Variants in PCDHGA10 observed in about 807,000 individuals in gnomAD.
The protein encoded by PCDHGA10 is protocadherin gamma subfamily A, 10.
Under a neutral mutation model 59.5 loss-of-function variants are expected in PCDHGA10, and 42 were observed. The ratio of observed to expected loss-of-function variants is 0.71; its 90% confidence interval spans 0.55 to 0.91. The LOEUF (loss-of-function observed/expected upper bound fraction) is 0.91, where lower values mean the gene tolerates loss of function less well. Among genes scored for constraint, PCDHGA10 ranks in the 40% least tolerant of loss-of-function variants. PCDHGA10 has a pLI of 0.00. For synonymous variants in PCDHGA10, 511 were observed against 517.2 expected, an observed-to-expected ratio of 0.99 and a Z score of 0.16; for missense variants, 1,111 against 1,198.2, an observed-to-expected ratio of 0.93 and a Z score of 1.07.
At chr5:141,426,639 AATGTGATGATAGAAGATATAAATG>A (rs1418104928) in intron 1 of PCDHGA10, 1 of 407,642 alleles carries the variant, frequency 2.5e-6, no homozygotes, top group Non-Finnish European at 5.0e-6. Context: ...TTTTCACATA[AATGTGATGATAGAAGATATAAATG>A]ATAACCCACC....
intron 1 of PCDHGA10, chr5:141,478,355 G>A: frequency 6.2e-7 from 1 of 1,613,742 alleles, no homozygotes; most frequent in Non-Finnish European, 8.5e-7. Context: ...CGCGGACGCC[G>A]TGCGGGGAGG....
At chr5:141,438,418 G>C (rs2097959406) in intron 1 of PCDHGA10, among the ~76,000 whole-genome samples, 1 of 151,534 alleles carries the variant, frequency 6.6e-6, no homozygotes, top group Admixed American at 6.6e-5. Flanking sequence ...ATTTCACACA[G>C]TAGTTTGTAC....
At chr5:141,501,312 C>T (rs2099807672) in intron 2 of PCDHGA10, among the ~76,000 whole-genome samples, 1 of 151,778 alleles carries the variant, frequency 6.6e-6, no homozygotes, top group South Asian at 2.1e-4. Context: ...CACACACACA[C>T]ACACACACAC....
chr5:141,417,001 ATAAT>A (rs2096073629), intron 1 of PCDHGA10: 2 of 150,812 alleles, frequency 1.3e-5, no homozygotes, highest in Non-Finnish European at 1.5e-5. Flanking sequence ...TTCATCTCAA[ATAAT>A]TCTATTATTT....
chr5:141,458,540 TTTTG>T (rs754668779), intron 1 of PCDHGA10, among the ~76,000 whole-genome samples: 43 of 150,468 alleles, frequency 2.9e-4, no homozygotes, highest in East Asian at 1.7e-3. Context: ...ATCAACTTTA[TTTTG>T]TTTGTTTGTT....
intron 1 of PCDHGA10, chr5:141,426,833 G>T: frequency 2.2e-6 from 1 of 456,680 alleles, no homozygotes; most frequent in Non-Finnish European, 4.4e-6. Flanking sequence ...TGATGGACAA[G>T]ACTAAAGGCA....
intron 1 of PCDHGA10, among the ~76,000 whole-genome samples, chr5:141,457,274 C>T (rs1307741345): frequency 1.3e-5 from 2 of 152,200 alleles, no homozygotes; most frequent in Non-Finnish European, 2.9e-5. Context: ...CCTCTGTGGG[C>T]CTACGAAGTT....
chr5:141,423,503 C>T (rs1225012888), intron 1 of PCDHGA10: 2 of 1,613,984 alleles, frequency 1.2e-6, no homozygotes, highest in South Asian at 2.2e-5. Context: ...CACGAGGTCT[C>T]TCTCATTGCG....
At chr5:141,505,121 C>A (rs1194549194) in intron 2 of PCDHGA10, among the ~76,000 whole-genome samples, 1 of 152,168 alleles carries the variant, frequency 6.6e-6, no homozygotes, top group Non-Finnish European at 1.5e-5. Context: ...AAGATCGCGC[C>A]ACTGCACTCC....
chr5:141,491,908 G>A lies in PCDHGA10; in HGVS notation c.2437-2899G>A. ...GGGGCTCCGAGCACCGGGGGTGGTG[G>A]CGACTGTGGGCGAGGGGAGGTGGGA... On this transcript the variant is annotated intron_variant, in intron 1 of 3. Transcript: ENST00000398610. The surrounding 1 kb of genome is among the most constrained non-coding windows in gnomAD (Gnocchi z 6.9). The A allele has an allele frequency of 7.1e-7, 1 of 1,408,288 alleles. No individual in the cohort carries two copies. Among genetic ancestry groups the A allele is most frequent in the East Asian group, 2.5e-5 (1 of 39,276 alleles). The allele number at this position is 1,408,288 out of a possible 1,614,324, so 87.2% of individuals were successfully genotyped here. A position where few individuals can be genotyped will look rare whatever the true frequency, so the allele number is the denominator to read the frequency against.
At chr5:141,448,394 T>C (rs1360417681) in intron 1 of PCDHGA10, among the ~76,000 whole-genome samples, 1 of 152,206 alleles carries the variant, frequency 6.6e-6, no homozygotes. Context: ...TACATTTACA[T>C]GGTTTTAAAA....
In PCDHGA10 at chr5:141,413,895, T is replaced by C. The variant is rs749075692; in HGVS notation, c.720T>C (p.Asn240=). The change falls in exon 1 of 4, where the codon AAT becomes AAC. Residue 240 remains asparagine, a synonymous_variant. Transcript: ENST00000398610. ...TCAGTGTGACTGTCTTCGATGCAAATGACAACGCGCCGGTCTTCACCTTGC... is the reference window on the plus strand; with the variant it reads ...TCAGTGTGACTGTCTTCGATGCAAACGACAACGCGCCGGTCTTCACCTTGC... ...VLVSVTVFDA[N]DNAPVFTLPE... is the part of the protein sequence containing the mutation. 7 of 1,613,190 alleles carry C rather than the reference T, an allele frequency of 4.3e-6. No individual in the cohort carries two copies. The South Asian group carries it at 6.6e-5, about 15-fold the overall frequency.
intron 1 of PCDHGA10, chr5:141,433,074 A>C: frequency 6.2e-7 from 1 of 1,614,218 alleles, no homozygotes; most frequent in East Asian, 2.2e-5. Flanking sequence ...ATCTTCCCCC[A>C]GCCCAACTAT....
intron 1 of PCDHGA10, among the ~76,000 whole-genome samples, chr5:141,462,086 A>C (rs993185274): frequency 6.6e-6 from 1 of 151,410 alleles, no homozygotes; most frequent in Non-Finnish European, 1.5e-5. Flanking sequence ...GCCTCCCAAA[A>C]TGCTGGGATT....
intron 3 of PCDHGA10, among the ~76,000 whole-genome samples, chr5:141,508,989 G>A (rs900798347): frequency 1.3e-5 from 2 of 152,110 alleles, no homozygotes; most frequent in Non-Finnish European, 2.9e-5. Flanking sequence ...GGGGCCAGCT[G>A]GGGTAGGAGA....
intron 1 of PCDHGA10, 148 bp downstream of exon 1, chr5:141,415,759 T>TTTG: frequency 3.7e-6 from 5 of 1,352,140 alleles, no homozygotes; most frequent in Non-Finnish European, 4.8e-6. Flanking sequence ...TTTTTTTTTT[T>TTTG]TTTTTTTTTT....
chr5:141,415,740 GTTTTTTTTTTTTTTTTTT>G (rs57426385), intron 1 of PCDHGA10, 129 bp downstream of exon 1: 9 of 625,028 alleles, frequency 1.4e-5, no homozygotes, highest in African/African-American at 5.0e-5. Flanking sequence ...GTTTATTAAG[GTTTTTTTTTTTTTTTTTT>G]TTTTTTTTTT....
At chr5:141,433,818 C>A (rs1286718725) in intron 1 of PCDHGA10, among the ~76,000 whole-genome samples, 7 of 133,614 alleles carry the variant, frequency 5.2e-5, no homozygotes, top group African/African-American at 5.8e-5. Flanking sequence ...GCCTGGGCAA[C>A]AAGAGTGAAA....
chr5:141,489,692 G>A lies in PCDHGA10; in HGVS notation c.2437-5115G>A. 1.9e-6 allele frequency: 3 copies of A among 1,614,128 alleles called. No individual in the cohort carries two copies. The highest frequency in any genetic ancestry group is 1.7e-6 in the Non-Finnish European group (2 of 1,179,980). On this transcript the variant is annotated intron_variant, in intron 1 of 3. Coordinates refer to ENST00000398610, the MANE Select transcript of PCDHGA10 (RefSeq NM_018913.3). The surrounding 1 kb of genome is among the most constrained non-coding windows in gnomAD (Gnocchi z 4.5). The stretch of plus-strand genomic sequence containing the variant: ...TCAGAATCAGCAGCATCTGGGGCAC[G>A]ATTCCCACTGGACAGTGCCCAGGAT...
Sources: allele counts gnomAD v4.1 joint callset (sites outside exome capture counted in the v4.1 genomes callset), GRCh38; gene constraint gnomAD v4.1.1; non-coding constraint Gnocchi (gnomAD v3.1); transcripts MANE v1.5; gene names NCBI Gene and HGNC (gene_info 2026-07-23, HGNC 2026-07-21).